Variants in ASRGL1 observed in about 807,000 individuals in gnomAD.
The protein encoded by ASRGL1 is asparaginase and isoaspartyl peptidase 1.
In ASRGL1, 16 loss-of-function variants were observed where a neutral mutation model predicts 22.4. The observed-to-expected ratio is 0.71, with a 90% CI of 0.48 to 1.08. The LOEUF (loss-of-function observed/expected upper bound fraction) is 1.08. Ranked by LOEUF, ASRGL1 falls within the 50% of genes least tolerant of loss-of-function variation. The pLI is 0.00. For missense variants in ASRGL1, 412 were observed against 410.1 expected, an observed-to-expected ratio of 1.00 and a Z score of -0.04; for synonymous variants, 165 against 159.3, an observed-to-expected ratio of 1.04 and a Z score of -0.27.
chr11:62,387,528 A>G (rs1273001791), intron 4 of ASRGL1, among the ~76,000 whole-genome samples: 1 of 152,032 alleles, frequency 6.6e-6, no homozygotes, highest in African/African-American at 2.4e-5. Context: ...TATTCTCTCC[A>G]GCCACACTGG....
At chr11:62,369,813 T>G (rs1946715752) in intron 4 of ASRGL1, among the ~76,000 whole-genome samples, 1 of 152,156 alleles carries the variant, frequency 6.6e-6, no homozygotes, top group South Asian at 2.1e-4. Context: ...CATTATAAAC[T>G]CGGGGTGTAA....
intron 4 of ASRGL1, chr11:62,373,270 C>CA: frequency 1.4e-6 from 1 of 708,458 alleles, no homozygotes. Context: ...TTTAAAAAAG[C>CA]AAAAGTGGAC....
chr11:62,394,101 A>G (rs1321792693), downstream of ASRGL1, among the ~76,000 whole-genome samples: 3 of 141,808 alleles, frequency 2.1e-5, no homozygotes, highest in African/African-American at 7.7e-5. Context: ...AATATATAAT[A>G]TATATTATAA....
chr11:62,395,206 C>T (rs1947417022), downstream of ASRGL1, among the ~76,000 whole-genome samples: 1 of 152,202 alleles, frequency 6.6e-6, no homozygotes, highest in African/African-American at 2.4e-5. Context: ...CCACCCAGAT[C>T]AACAGTGGAA....
At chr11:62,382,735 G>C (rs2134686391) in intron 4 of ASRGL1, 1 of 152,494 alleles carries the variant, frequency 6.6e-6, no homozygotes, top group South Asian at 2.1e-4. Flanking sequence ...CCATATCTCA[G>C]GCTATCACAT....
chr11:62,371,440 G>A (rs947887638), intron 4 of ASRGL1: 3 of 585,880 alleles, frequency 5.1e-6, no homozygotes, highest in African/African-American at 3.9e-5. Flanking sequence ...GACGTGCTGT[G>A]TTTACTCAAG....
intron 4 of ASRGL1, chr11:62,372,644 CT>C (rs1281654731): frequency 1.5e-4 from 146 of 942,348 alleles, no homozygotes; most frequent in Admixed American, 2.7e-4. Flanking sequence ...TGGTCCTGGA[CT>C]CCCAGAAGTG....
chr11:62,400,629 T>G, the ASRGL1 span, among the ~76,000 whole-genome samples: 1 of 152,234 alleles, frequency 6.6e-6, no homozygotes, highest in African/African-American at 2.4e-5. Flanking sequence ...CGTTTGCATC[T>G]ATTTCTACTT....
At chr11:62,395,297 C>G (rs1047419613), downstream of ASRGL1, among the ~76,000 whole-genome samples, 4 of 152,282 alleles carry the variant, frequency 2.6e-5, no homozygotes, top group East Asian at 7.7e-4. Flanking sequence ...GCCCCGCCCC[C>G]ACTTGCTCCT....
intron 4 of ASRGL1, chr11:62,371,187 C>CG: frequency 8.1e-7 from 1 of 1,239,098 alleles, no homozygotes; most frequent in Non-Finnish European, 1.1e-6. Flanking sequence ...GCTCGGGCAA[C>CG]GGCACTGCCC....
intron 4 of ASRGL1, among the ~76,000 whole-genome samples, chr11:62,373,325 A>G (rs1252747755): frequency 1.3e-5 from 2 of 152,188 alleles, no homozygotes; most frequent in Non-Finnish European, 2.9e-5. Context: ...CCGTTTTACA[A>G]GTGATCCAAC....
chr11:62,393,693 C>A (rs967295077), downstream of ASRGL1, among the ~76,000 whole-genome samples: 4 of 152,214 alleles, frequency 2.6e-5, no homozygotes, highest in Non-Finnish European at 5.9e-5. Flanking sequence ...CATGCAACAA[C>A]TCCCCCTTTA....
rs183044694 is a variant in ASRGL1 at position 62,362,616 on chromosome 11, T to A, written c.491+5472T>A. On this transcript the variant is annotated intron_variant, in intron 4 of 6. Coordinates refer to ENST00000415229, the MANE Select transcript of ASRGL1 (RefSeq NM_001083926.2). ...AATATATATTATATAAAATATATAT[T>A]ATATATTATATAAAATATATATAAT... 5.5e-4 allele frequency among the ~76,000 whole-genome samples: 32 copies of A among 58,448 alleles called. 4 individuals are homozygous for A. Among genetic ancestry groups the A allele is most frequent in the African/African-American group, 1.9e-3 (30 of 15,870 alleles). 38.3% of individuals were successfully genotyped at this position (58,448 alleles called of 152,430 possible).
intron 2 of ASRGL1, among the ~76,000 whole-genome samples, chr11:62,349,842 G>T (rs1946128613): frequency 6.6e-6 from 1 of 152,034 alleles, no homozygotes. Context: ...TAAACAAGGG[G>T]TGGATTATTC....
chr11:62,354,286 C>T (rs1481583387), intron 2 of ASRGL1, among the ~76,000 whole-genome samples: 3 of 152,156 alleles, frequency 2.0e-5, no homozygotes, highest in Non-Finnish European at 4.4e-5. Flanking sequence ...CACAGAGACA[C>T]GTGGGCTCCT....
rs147900076 is a variant in ASRGL1 at position 62,350,664 on chromosome 11, C to T, written c.191-5661C>T. On this transcript the variant is annotated intron_variant, in intron 2 of 6. Transcript: ENST00000415229. Reference sequence around the variant, plus strand: ...TACAAAAATTAGCCGGGCGTGGTGGCACATACCTATAGTCCCAGCTACTCA... The same window carrying T: ...TACAAAAATTAGCCGGGCGTGGTGGTACATACCTATAGTCCCAGCTACTCA... 4.6e-3 allele frequency among the ~76,000 whole-genome samples: 700 copies of T among 152,194 alleles called. 10 individuals are homozygous for T. The highest frequency in any genetic ancestry group is 0.016 in the African/African-American group (671 of 41,516).
intron 4 of ASRGL1, chr11:62,372,573 C>G (rs1946802389): frequency 1.1e-6 from 1 of 888,890 alleles, no homozygotes; most frequent in Non-Finnish European, 1.9e-6. Context: ...AGACAAAAGA[C>G]AGATTCTGCC....
downstream of ASRGL1, among the ~76,000 whole-genome samples, chr11:62,398,323 A>G (rs563388277): frequency 5.3e-5 from 8 of 152,066 alleles, no homozygotes; most frequent in South Asian, 1.5e-3. Flanking sequence ...ACTTCCCCTC[A>G]TACAAAAAGC....
At chr11:62,396,496 C>T (rs975815035), downstream of ASRGL1, among the ~76,000 whole-genome samples, 8 of 152,132 alleles carry the variant, frequency 5.3e-5, no homozygotes, top group African/African-American at 1.4e-4. Context: ...GGAGTTTCCC[C>T]GGTCTCTTGT....
Sources: gnomAD v4.1 joint callset for allele counts (sites outside exome capture counted in the v4.1 genomes callset) on GRCh38, gnomAD v4.1.1 for gene constraint, MANE v1.5 for transcripts, NCBI Gene and HGNC (gene_info 2026-07-23, HGNC 2026-07-21) for gene names.